SAMMSON: variants seen among roughly 807,000 people sequenced by gnomAD.
SAMMSON encodes survival associated mitochondrial melanoma specific oncogenic non-coding RNA, also known as long intergenic non-protein coding RNA 1212.
intron 4 of SAMMSON, among the ~76,000 whole-genome samples, chr3:70,109,212 G>T (rs2067379038): frequency 6.6e-6 from 1 of 151,946 alleles, no homozygotes; most frequent in Non-Finnish European, 1.5e-5. Flanking sequence ...TTCCTTTACT[G>T]CCCACTCACA....
At chr3:70,210,998 T>C (rs1368286130) in intron 4 of SAMMSON, among the ~76,000 whole-genome samples, 3 of 152,124 alleles carry the variant, frequency 2.0e-5, no homozygotes, top group Non-Finnish European at 4.4e-5. Flanking sequence ...TTACTCTAAG[T>C]TATTAAGAAA....
At position 70,384,826 on chromosome 3, in the gene SAMMSON, T is replaced by G. The variant is rs562811863; in HGVS notation, n.914-4748T>G. Among the ~76,000 whole-genome samples, 6 of 152,200 alleles carry G rather than the reference T, an allele frequency of 3.9e-5. No individual in the cohort carries two copies. The East Asian group carries it at 9.6e-4, about 24-fold the overall frequency. ...TAAGGATTTTTTTCGTCTATCCAAG[T>G]GTTATCCAATAGAGCTTTCTAGGAT... is the stretch of plus-strand genomic sequence containing the variant. On this transcript the variant is annotated intron_variant and non_coding_transcript_variant, in intron 9 of 9. Transcript: ENST00000642114.
chr3:70,120,982 A>G (rs895848463), intron 4 of SAMMSON, among the ~76,000 whole-genome samples: 3 of 152,230 alleles, frequency 2.0e-5, no homozygotes, highest in Non-Finnish European at 2.9e-5. Context: ...ATGTAGAATC[A>G]GAGGGTACTC....
intron 4 of SAMMSON, among the ~76,000 whole-genome samples, chr3:70,224,687 A>C (rs1701487926): frequency 6.6e-6 from 1 of 152,140 alleles, no homozygotes; most frequent in South Asian, 2.1e-4. Flanking sequence ...AGACCCGTGG[A>C]GTTAAATATC....
At chr3:70,421,243 A>C (rs985228312) in intron 2 of SAMMSON, among the ~76,000 whole-genome samples, 26 of 152,314 alleles carry the variant, frequency 1.7e-4, no homozygotes, top group African/African-American at 5.8e-4. Context: ...AAAAACAATA[A>C]AAAACAAAAA....
chr3:70,112,181 G>C (rs2067392460), intron 4 of SAMMSON, among the ~76,000 whole-genome samples: 1 of 152,070 alleles, frequency 6.6e-6, no homozygotes, highest in South Asian at 2.1e-4. Context: ...GTTAAAGACA[G>C]CTAGAGAAAA....
At chr3:70,337,660 G>C (rs150461211) in intron 7 of SAMMSON, among the ~76,000 whole-genome samples, 29 of 151,834 alleles carry the variant, frequency 1.9e-4, no homozygotes, top group Non-Finnish European at 3.5e-4. Context: ...CCTCCTCCTA[G>C]GGTATGGACT....
At chr3:70,273,971 C>G (rs1007883649) in intron 6 of SAMMSON, among the ~76,000 whole-genome samples, 27 of 151,472 alleles carry the variant, frequency 1.8e-4, no homozygotes, top group African/African-American at 6.6e-4. Context: ...CCAGAATTTT[C>G]TTTTTGACAC....
intron 4 of SAMMSON, among the ~76,000 whole-genome samples, chr3:70,112,704 T>C (rs1015191181): frequency 3.9e-5 from 6 of 152,194 alleles, no homozygotes; most frequent in Non-Finnish European, 8.8e-5. Flanking sequence ...AATTGAAATA[T>C]TTAAATAATC....
chr3:70,371,195 C>T (rs1465704204), intron 9 of SAMMSON, among the ~76,000 whole-genome samples: 2 of 152,008 alleles, frequency 1.3e-5, no homozygotes, highest in Non-Finnish European at 2.9e-5. Context: ...ATACCAATAC[C>T]ATGCTGTTTG....
At chr3:70,103,528 A>G (rs1336798172) in intron 4 of SAMMSON, among the ~76,000 whole-genome samples, 1 of 152,100 alleles carries the variant, frequency 6.6e-6, no homozygotes, top group Non-Finnish European at 1.5e-5. Flanking sequence ...CTTTTATTAG[A>G]TTCTCAAAAA....
At chr3:70,244,239 A>T (rs1701685032) in intron 4 of SAMMSON, among the ~76,000 whole-genome samples, 1 of 152,192 alleles carries the variant, frequency 6.6e-6, no homozygotes, top group African/African-American at 2.4e-5. Context: ...CCAGTAAGGA[A>T]CTAATGTTTA....
rs1282957600 is a variant in SAMMSON, at chr3:70,170,353, AAAG to A, written n.508-78749_508-78747del. On this transcript the variant is annotated intron_variant and non_coding_transcript_variant, in intron 4 of 9. Transcript: ENST00000642114. ...AAATGACAAATGTTCAAAAATTTTAAAAGAAGATTTGTGATATAATATAGAGGT... is the reference window on the plus strand; with the variant it reads ...AAATGACAAATGTTCAAAAATTTTAAAAGATTTGTGATATAATATAGAGGT... Among the ~76,000 whole-genome samples, 4 of 152,006 alleles carry A rather than the reference AAAG, an allele frequency of 2.6e-5. No homozygotes were observed. In the South Asian group the frequency reaches 6.2e-4, roughly 24 times the overall value.
At chr3:70,390,144 T>C (rs1701032241), downstream of SAMMSON, among the ~76,000 whole-genome samples, 1 of 152,146 alleles carries the variant, frequency 6.6e-6, no homozygotes, top group Admixed American at 6.6e-5. Flanking sequence ...CCTTACCACA[T>C]AATATCTTGG....
chr3:70,160,852 G>T (rs1328076669), intron 4 of SAMMSON, among the ~76,000 whole-genome samples: 1 of 151,932 alleles, frequency 6.6e-6, no homozygotes, highest in Non-Finnish European at 1.5e-5. Context: ...CATTAGTTTA[G>T]ATCTTCTCAG....
At chr3:70,432,596 A>G (rs904311178) in intron 2 of SAMMSON, among the ~76,000 whole-genome samples, 22 of 151,950 alleles carry the variant, frequency 1.4e-4, no homozygotes, top group African/African-American at 4.8e-4. Context: ...AGTTTCTCCT[A>G]TTTCTAACAC....
intron 9 of SAMMSON, among the ~76,000 whole-genome samples, chr3:70,368,724 T>A (rs968724053): frequency 6.6e-5 from 10 of 151,668 alleles, no homozygotes; most frequent in Non-Finnish European, 3.0e-5. Flanking sequence ...TCTGTTGATT[T>A]ATGTGTTTAT....
intron 4 of SAMMSON, among the ~76,000 whole-genome samples, chr3:70,143,079 G>T (rs1326333652): frequency 6.6e-6 from 1 of 152,096 alleles, no homozygotes; most frequent in Non-Finnish European, 1.5e-5. Flanking sequence ...TACTTTCAGG[G>T]ATGCATGAGA....
chr3:70,326,923 A>G (rs1179412037), intron 7 of SAMMSON, among the ~76,000 whole-genome samples: 2 of 152,144 alleles, frequency 1.3e-5, no homozygotes, highest in African/African-American at 2.4e-5. Context: ...CAGTGGTGCA[A>G]TCTTGTTTCA....
Sources: allele counts gnomAD v4.1 joint callset (sites outside exome capture counted in the v4.1 genomes callset), GRCh38; gene constraint gnomAD v4.1.1; transcripts MANE v1.5; gene names NCBI Gene and HGNC (gene_info 2026-07-23, HGNC 2026-07-21).